The following ZSCAN25 variants were observed in gnomAD, a reference collection of about 807,000 sequenced individuals.
ZSCAN25 encodes zinc finger and SCAN domain-containing protein 25.
Under a neutral mutation model 38.7 loss-of-function variants are expected in ZSCAN25, and 27 were observed. The observed-to-expected ratio is 0.70, with a 90% confidence interval of 0.51 to 0.96. The LOEUF is 0.96. ZSCAN25 is among the 40% of genes least tolerant of loss of function. ZSCAN25 has a pLI of 0.00. For synonymous variants in ZSCAN25, 273 were observed against 277.7 expected (o/e 0.98, Z 0.17); for missense variants, 637 against 705.9 (o/e 0.90, Z 1.11).
the ZSCAN25 span, chr7:99,717,108 T>C: frequency 1.3e-6 from 2 of 1,599,660 alleles, no homozygotes; most frequent in Non-Finnish European, 8.6e-7. Context: ...AGCGGGAGTA[T>C]CAGCTCCATA....
the ZSCAN25 span, chr7:99,730,836 C>T: frequency 1.9e-6 from 1 of 527,904 alleles, no homozygotes; most frequent in Non-Finnish European, 3.4e-6. Flanking sequence ...ATTGCTGGAT[C>T]TACTTGACAT....
chr7:99,628,522 G>T (rs1280657366), intron 7 of ZSCAN25, among the ~76,000 whole-genome samples: 3 of 152,206 alleles, frequency 2.0e-5, no homozygotes, highest in Non-Finnish European at 4.4e-5. Context: ...GCAGCGTCAT[G>T]GTCTCAGTCC....
In ZSCAN25 at chr7:99,631,846, G is replaced by A; in HGVS notation, c.*1826G>A. ...AATGTATCTGAGATGTCCACACGGG[G>A]CTGCTGCTGCTCCTCTGTAATACTG... On this transcript the variant is annotated 3_prime_UTR_variant, in exon 8 of 8. Coordinates refer to ENST00000394152, the MANE Select transcript of ZSCAN25 (RefSeq NM_145115.3). 5 of 984,906 alleles carry A rather than the reference G, an allele frequency of 5.1e-6. No individual in the cohort carries two copies. Among genetic ancestry groups the A allele is most frequent in the Non-Finnish European group, 6.0e-6 (5 of 829,568 alleles). The allele number at this position is 984,906 out of a possible 1,614,324, so 61.0% of individuals were successfully genotyped here. A position where few individuals can be genotyped will look rare whatever the true frequency, so the allele number is the denominator to read the frequency against.
At chr7:99,720,725 G>A in the ZSCAN25 span, 1 of 287,406 alleles carries the variant, frequency 3.5e-6, no homozygotes, top group South Asian at 5.1e-5. Flanking sequence ...TGCATACATG[G>A]GTATTTCCCA....
At chr7:99,677,742 T>C in the ZSCAN25 span, among the ~76,000 whole-genome samples, 1 of 152,174 alleles carries the variant, frequency 6.6e-6, no homozygotes, top group African/African-American at 2.4e-5. Context: ...AAAGCCAGGG[T>C]GGCCTTGGGT....
chr7:99,627,744 G>A (rs891732805), intron 7 of ZSCAN25, among the ~76,000 whole-genome samples: 4 of 149,094 alleles, frequency 2.7e-5, no homozygotes, highest in African/African-American at 7.5e-5. Context: ...TGCTGTATAC[G>A]TATATCGTAT....
chr7:99,640,188 T>A, the ZSCAN25 span, among the ~76,000 whole-genome samples: 1 of 152,238 alleles, frequency 6.6e-6, no homozygotes, highest in African/African-American at 2.4e-5. Flanking sequence ...GATGGAGTTT[T>A]GCTCTTGTTG....
the ZSCAN25 span, among the ~76,000 whole-genome samples, chr7:99,666,137 G>A: frequency 1.3e-5 from 2 of 152,120 alleles, no homozygotes; most frequent in African/African-American, 4.8e-5. Context: ...GGAAGTAGTG[G>A]GAAGGTTTAA....
At chr7:99,646,797 TAC>T in the ZSCAN25 span, among the ~76,000 whole-genome samples, 10,106 of 141,718 alleles carry the variant, frequency 0.071, 321 homozygotes, top group Middle Eastern at 0.13. Flanking sequence ...ATATGTTTTA[TAC>T]ACACACACAC....
At chr7:99,660,069 G>C in the ZSCAN25 span, 2 of 395,518 alleles carry the variant, frequency 5.1e-6, no homozygotes, top group African/African-American at 4.4e-5. Context: ...TGCACCCACT[G>C]TCCTGCACCC....
the ZSCAN25 span, among the ~76,000 whole-genome samples, chr7:99,694,596 T>A: frequency 6.6e-6 from 1 of 152,156 alleles, no homozygotes; most frequent in Non-Finnish European, 1.5e-5. Flanking sequence ...GGGGGGTACA[T>A]CTACTAAAGA....
At chr7:99,672,994 C>T in the ZSCAN25 span, 87 of 664,882 alleles carry the variant, frequency 1.3e-4, no homozygotes, top group Non-Finnish European at 1.5e-4. Context: ...GTGGTACATA[C>T]GTGGGTATCT....
intron 7 of ZSCAN25, 137 bp downstream of exon 7, chr7:99,624,317 A>G (rs1295930088): frequency 1.9e-6 from 2 of 1,025,820 alleles, no homozygotes; most frequent in East Asian, 2.5e-5. Context: ...AGCACGGACC[A>G]TGGGGCACGA....
At chr7:99,673,175 C>G in the ZSCAN25 span, among the ~76,000 whole-genome samples, 1 of 152,196 alleles carries the variant, frequency 6.6e-6, no homozygotes, top group Non-Finnish European at 1.5e-5. Context: ...TGTCATCTGT[C>G]TACTAAGTCA....
At chr7:99,676,368 G>T in the ZSCAN25 span, 1 of 1,531,488 alleles carries the variant, frequency 6.5e-7, no homozygotes. Context: ...TCACTCATCA[G>T]GTCCTTTCCT....
intron 7 of ZSCAN25, among the ~76,000 whole-genome samples, chr7:99,627,159 GT>G (rs1238723635): frequency 6.6e-6 from 1 of 152,164 alleles, no homozygotes; most frequent in Non-Finnish European, 1.5e-5. Context: ...TGATATGGAA[GT>G]TGGAGGCATC....
chr7:99,716,474 G>A, the ZSCAN25 span, among the ~76,000 whole-genome samples: 4 of 152,242 alleles, frequency 2.6e-5, no homozygotes, highest in Admixed American at 6.5e-5. Flanking sequence ...TTGCCCTGAT[G>A]GCAGAATTAT....
At chr7:99,713,360 C>A in the ZSCAN25 span, 1 of 1,521,946 alleles carries the variant, frequency 6.6e-7, no homozygotes, top group Non-Finnish European at 9.1e-7. Flanking sequence ...TGTCATTCTG[C>A]TATGTGGCAG....
chr7:99,702,024 A>G, the ZSCAN25 span, among the ~76,000 whole-genome samples: 1 of 150,974 alleles, frequency 6.6e-6, no homozygotes. Context: ...TGTTCAGACC[A>G]ATGTCCTGAA....
Sources: allele counts gnomAD v4.1 joint callset (sites outside exome capture counted in the v4.1 genomes callset), GRCh38; gene constraint gnomAD v4.1.1; transcripts MANE v1.5; gene names NCBI Gene and HGNC (gene_info 2026-07-23, HGNC 2026-07-21).